TNIK: variants seen among roughly 807,000 people sequenced by gnomAD.
TNIK encodes the protein TRAF2 and NCK interacting kinase.
Under a neutral mutation model 191.3 loss-of-function variants are expected in TNIK, and 49 were observed. The ratio of observed to expected loss-of-function variants is 0.26; its 90% confidence interval spans 0.20 to 0.32. The LOEUF is 0.32. TNIK is among the 10% of genes least tolerant of loss of function. The pLI, the probability that TNIK is intolerant of heterozygous loss-of-function variation, is 1.00. For synonymous variants in TNIK, 594 were observed against 600.9 expected, an observed-to-expected ratio of 0.99 and a Z score of 0.17; for missense variants, 1,155 against 1,702.3, an observed-to-expected ratio of 0.68 and a Z score of 5.66.
chr3:171,292,962 T>A (rs927059057), intron 2 of TNIK, among the ~76,000 whole-genome samples: 1 of 152,054 alleles, frequency 6.6e-6, no homozygotes, highest in African/African-American at 2.4e-5. Flanking sequence ...AATCACAACT[T>A]CGGCTGCCCT....
At chr3:171,226,136 C>T (rs1742937150) in intron 3 of TNIK, among the ~76,000 whole-genome samples, 1 of 152,254 alleles carries the variant, frequency 6.6e-6, no homozygotes, top group Non-Finnish European at 1.5e-5. Flanking sequence ...ACTCTCCCTT[C>T]ATTTCTGACT....
intron 21 of TNIK, among the ~76,000 whole-genome samples, chr3:171,103,686 T>C (rs1440237148): frequency 6.6e-6 from 1 of 152,130 alleles, no homozygotes; most frequent in Admixed American, 6.6e-5. Context: ...TTATTAAGAA[T>C]TACATTTTAT....
At chr3:171,261,003 TC>T (rs927060412) in intron 2 of TNIK, among the ~76,000 whole-genome samples, 1 of 152,224 alleles carries the variant, frequency 6.6e-6, no homozygotes, top group Non-Finnish European at 1.5e-5. Context: ...TAAAAACCTA[TC>T]ACCACTAGCA....
chr3:171,219,125 A>T (rs186823463), intron 3 of TNIK, among the ~76,000 whole-genome samples: 4,341 of 133,752 alleles, frequency 0.032, 116 homozygotes, highest in Non-Finnish European at 0.051. Context: ...TTATATAAAT[A>T]TATAATTATA....
chr3:171,236,479 A>C (rs185632621), intron 2 of TNIK, among the ~76,000 whole-genome samples: 1 of 152,318 alleles, frequency 6.6e-6, no homozygotes, highest in Admixed American at 6.5e-5. Context: ...TAGAGACATT[A>C]GCATTCTGCA....
chr3:171,121,476 T>C (rs1327633790), intron 18 of TNIK, among the ~76,000 whole-genome samples: 1 of 152,190 alleles, frequency 6.6e-6, no homozygotes, highest in Non-Finnish European at 1.5e-5. Context: ...CATTGGAGCT[T>C]TCTCTCTTGA....
Position 171,138,250 on chromosome 3 carries a change from G to T in TNIK, c.1549C>A (p.Pro517Thr). 1 of 1,613,610 alleles carries T rather than the reference G, an allele frequency of 6.2e-7. No individual in the cohort carries two copies. The highest frequency in any genetic ancestry group is 8.5e-7 in the Non-Finnish European group (1 of 1,179,806). ...ATTCCTTCTTTGTAATGGTACAGTG[G>T]CTTCTTCTCCACAGGCCTCTGCTCC... ...RQEQRPVEKK[P>T]LYHYKEGMSP... The change falls in exon 15 of 33, where the codon CCA becomes ACA. Residue 517 changes from proline (P) to threonine (T), a missense_variant. Transcript: ENST00000436636.
intron 1 of TNIK, among the ~76,000 whole-genome samples, chr3:171,449,569 TA>T (rs200157090): frequency 0.03 from 4,585 of 151,864 alleles, 242 homozygotes; most frequent in African/African-American, 0.1. Flanking sequence ...ATCTCCACTT[TA>T]AAAAAAATCT....
chr3:171,365,461 C>A (rs931911312), intron 2 of TNIK, among the ~76,000 whole-genome samples: 3 of 151,874 alleles, frequency 2.0e-5, no homozygotes, highest in African/African-American at 7.3e-5. Flanking sequence ...GGATTACAGG[C>A]GTGAGCCACC....
chr3:171,200,477 T>C (rs1390421215), intron 4 of TNIK, among the ~76,000 whole-genome samples: 1 of 151,826 alleles, frequency 6.6e-6, no homozygotes, highest in African/African-American at 2.4e-5. Context: ...TGGTTGATTG[T>C]CAGCAGTTTT....
intron 2 of TNIK, among the ~76,000 whole-genome samples, chr3:171,286,420 A>T (rs1333318257): frequency 6.6e-6 from 1 of 152,210 alleles, no homozygotes; most frequent in Non-Finnish European, 1.5e-5. Context: ...GTCTAAGAAT[A>T]TAAGAGTATA....
intron 2 of TNIK, among the ~76,000 whole-genome samples, chr3:171,268,534 C>T (rs1748681313): frequency 6.6e-6 from 1 of 152,038 alleles, no homozygotes; most frequent in Admixed American, 6.6e-5. Flanking sequence ...CCCTATATTG[C>T]AAAGGTCCTG....
chr3:171,066,725 T>C lies in TNIK; in HGVS notation c.3710A>G (p.Asn1237Ser), dbSNP rs774159873. The change falls in exon 31 of 33, where the codon AAT becomes AGT. Residue 1237 changes from asparagine (N) to serine (S), a missense_variant. Physicochemically the swap from Asn to Ser is conservative, Grantham distance 46. This residue lies in a region of TNIK where 195 missense variants were observed against 415.4 expected (regional missense o/e 0.47). Transcript: ENST00000436636. Reference protein sequence around the residue: ...DIYIPSHIQGNITPHAIVILP... With the variant: ...DIYIPSHIQGSITPHAIVILP... The stretch of plus-strand genomic sequence containing the variant: ...GATGACAATAGCATGAGGAGTGATA[T>C]TGCCCTGAATCTAGAAGACAAAGAA... 2 of 1,613,430 alleles carry C rather than the reference T, an allele frequency of 1.2e-6. No individual in the cohort carries two copies. The highest frequency in any genetic ancestry group is 1.7e-5 in the Admixed American group (1 of 59,954).
rs571805624 is a variant in TNIK at position 171,277,888 on chromosome 3, G to A, written c.124-49667C>T. ...TGACTTTTTAAAAAGAGTCAAGCCAGATGCAGTGCTGTGCACCTGTGGCTA... is the reference window on the plus strand; with the variant it reads ...TGACTTTTTAAAAAGAGTCAAGCCAAATGCAGTGCTGTGCACCTGTGGCTA... On this transcript the variant is annotated intron_variant, in intron 2 of 32. Transcript: ENST00000436636. Among the ~76,000 whole-genome samples, 5 of 152,322 alleles carry A rather than the reference G, an allele frequency of 3.3e-5. No individual in the cohort carries two copies. In the South Asian group the frequency reaches 1.0e-3, roughly 32 times the overall value.
chr3:171,446,984 G>T (rs1159771125), intron 1 of TNIK, among the ~76,000 whole-genome samples: 1 of 152,116 alleles, frequency 6.6e-6, no homozygotes, highest in South Asian at 2.1e-4. Flanking sequence ...TGAGGTCAGG[G>T]GTTTGAGACC....
At chr3:171,139,370 G>A (rs1021737142) in intron 14 of TNIK, 100 bp downstream of exon 14, 121 of 903,000 alleles carry the variant, frequency 1.3e-4, no homozygotes, top group Middle Eastern at 3.3e-4. Context: ...AAGGACACAC[G>A]CACGCGCGCA....
chr3:171,345,168 C>T (rs1248856022), intron 2 of TNIK, among the ~76,000 whole-genome samples: 1 of 152,160 alleles, frequency 6.6e-6, no homozygotes, highest in Non-Finnish European at 1.5e-5. Context: ...CCCCCTTTTA[C>T]TTACTGAAAT....
rs761720681 is a variant in TNIK at position 171,142,263 on chromosome 3, G to T, written c.1222-1754C>A. Among the ~76,000 whole-genome samples the T allele has an allele frequency of 6.6e-5, 10 of 152,328 alleles. 1 individual carries two copies. In the South Asian group the frequency reaches 1.2e-3, roughly 19 times the overall value. On this transcript the variant is annotated intron_variant, in intron 12 of 32. Transcript: ENST00000436636. ...AAGGCCTCCCCATCATCCATGAAAA[G>T]GGGCAAGACTAGAAGCTGAAAAGCA...
At chr3:171,163,824 C>T (rs541625216) in intron 10 of TNIK, among the ~76,000 whole-genome samples, 1 of 151,604 alleles carries the variant, frequency 6.6e-6, no homozygotes, top group African/African-American at 2.4e-5. Flanking sequence ...CCAAAATTTG[C>T]TTTTGACTGC....
Sources: gnomAD v4.1 joint callset for allele counts (sites outside exome capture counted in the v4.1 genomes callset) on GRCh38, gnomAD v4.1.1 for gene constraint, gnomAD v4.1.1 regional missense constraint, MANE v1.5 for transcripts, NCBI Gene and HGNC (gene_info 2026-07-23, HGNC 2026-07-21) for gene names.